Variants in KDM2A observed in about 807,000 individuals in gnomAD.
KDM2A encodes lysine-specific demethylase 2A.
A neutral mutation model predicts 137.3 loss-of-function variants in KDM2A; 3 were observed. The observed-to-expected ratio is 0.02, with a 90% CI of 0.01 to 0.06. The LOEUF (loss-of-function observed/expected upper bound fraction) is 0.06, where lower values mean the gene tolerates loss of function less well. Among genes scored for constraint, KDM2A ranks in the 10% least tolerant of loss-of-function variants. The probability of loss-of-function intolerance (pLI) is 1.00; values close to 1 mark genes in which losing one functional copy is unlikely to be tolerated. For synonymous variants in KDM2A, 512 were observed against 541.5 expected (o/e 0.95, Z 0.76); for missense variants, 738 against 1,510.6 (o/e 0.49, Z 8.48).
chr11:67,193,966 C>G (rs1857419074), intron 5 of KDM2A, among the ~76,000 whole-genome samples: 1 of 152,176 alleles, frequency 6.6e-6, no homozygotes, highest in South Asian at 2.1e-4. Context: ...TCTTGGCCTC[C>G]CAAATTGCTG....
At chr11:67,155,838 A>T (rs1272337095) in intron 2 of KDM2A, among the ~76,000 whole-genome samples, 1 of 142,144 alleles carries the variant, frequency 7.0e-6, no homozygotes, top group Non-Finnish European at 1.5e-5. Flanking sequence ...CTGGTTTGGA[A>T]CTCCCGACCT....
intron 2 of KDM2A, among the ~76,000 whole-genome samples, chr11:67,145,716 A>G (rs1856227771): frequency 6.6e-6 from 1 of 152,020 alleles, no homozygotes; most frequent in African/African-American, 2.4e-5. Context: ...TTACTTGAAA[A>G]TGATACCATA....
intron 2 of KDM2A, among the ~76,000 whole-genome samples, chr11:67,129,292 T>TTAA (rs1170746586): frequency 6.6e-6 from 1 of 152,182 alleles, no homozygotes; most frequent in African/African-American, 2.4e-5. Flanking sequence ...CTAGTTGATT[T>TTAA]TAAAAGTTTA....
chr11:67,232,011 A>G, intron 12 of KDM2A, 51 bp downstream of exon 12: 1 of 1,522,128 alleles, frequency 6.6e-7, no homozygotes, highest in Non-Finnish European at 8.8e-7. Flanking sequence ...TATGGCAGTC[A>G]GCTTCCAGAT....
chr11:67,168,775 C>T (rs1856811065), intron 2 of KDM2A, among the ~76,000 whole-genome samples: 1 of 151,886 alleles, frequency 6.6e-6, no homozygotes, highest in South Asian at 2.1e-4. Context: ...AAAGCAACAG[C>T]GTTTTAAAGT....
intron 2 of KDM2A, among the ~76,000 whole-genome samples, chr11:67,126,272 T>A (rs1347160817): frequency 2.7e-5 from 4 of 147,862 alleles, no homozygotes; most frequent in Non-Finnish European, 4.5e-5. Context: ...ATGGAATAAC[T>A]AGTTTAAAAA....
At chr11:67,195,980 T>C in intron 5 of KDM2A, 2 of 440,424 alleles carry the variant, frequency 4.5e-6, no homozygotes, top group Non-Finnish European at 9.1e-6. Flanking sequence ...CAAGATGTTG[T>C]GATTTCTTCA....
intron 5 of KDM2A, among the ~76,000 whole-genome samples, chr11:67,185,071 G>A (rs1857173789): frequency 1.3e-5 from 2 of 152,150 alleles, no homozygotes; most frequent in Admixed American, 6.6e-5. Context: ...TTAAATAGCT[G>A]TCTTAAAGAT....
At chr11:67,144,935 A>G (rs1393052790) in intron 2 of KDM2A, among the ~76,000 whole-genome samples, 1 of 151,306 alleles carries the variant, frequency 6.6e-6, no homozygotes, top group Non-Finnish European at 1.5e-5. Flanking sequence ...CAGTGGCGCA[A>G]TCTCAGCTAA....
chr11:67,175,951 T>A (rs1325405103), intron 2 of KDM2A, among the ~76,000 whole-genome samples: 1 of 152,160 alleles, frequency 6.6e-6, no homozygotes, highest in East Asian at 1.9e-4. Context: ...CTGGATGATG[T>A]TTTTGGGGAA....
chr11:67,234,185 A>T (rs1396975844), intron 12 of KDM2A, among the ~76,000 whole-genome samples: 2 of 152,236 alleles, frequency 1.3e-5, no homozygotes, highest in Non-Finnish European at 2.9e-5. Context: ...TAGAGCTTGA[A>T]TACCTTGAGA....
At chr11:67,167,555 C>T (rs1164585873) in intron 2 of KDM2A, among the ~76,000 whole-genome samples, 4 of 151,190 alleles carry the variant, frequency 2.6e-5, no homozygotes, top group Admixed American at 2.6e-4. Flanking sequence ...GTATATTCAT[C>T]TTCTCTTGAA....
chr11:67,167,672 C>T (rs1412339788), intron 2 of KDM2A, among the ~76,000 whole-genome samples: 2 of 150,614 alleles, frequency 1.3e-5, no homozygotes, highest in East Asian at 3.9e-4. Flanking sequence ...CTGCTAAATT[C>T]TGTAGACACC....
At chr11:67,216,659 G>T (rs766218453) in intron 8 of KDM2A, among the ~76,000 whole-genome samples, 1 of 152,178 alleles carries the variant, frequency 6.6e-6, no homozygotes, top group African/African-American at 2.4e-5. Context: ...GGTGGCTCAC[G>T]CCTGTAATCC....
At chr11:67,240,959 C>T (rs944118064) in intron 12 of KDM2A, among the ~76,000 whole-genome samples, 1 of 152,232 alleles carries the variant, frequency 6.6e-6, no homozygotes, top group Non-Finnish European at 1.5e-5. Context: ...TCCGCCTACC[C>T]TTCCCTATTC....
chr11:67,128,297 T>C (rs1002284995), intron 2 of KDM2A, among the ~76,000 whole-genome samples: 4 of 152,046 alleles, frequency 2.6e-5, no homozygotes, highest in African/African-American at 9.7e-5. Context: ...GGATTATAAG[T>C]GTGAGCCACT....
rs1413906621 is a variant in KDM2A at position 67,257,868 on chromosome 11, TTTG to T, written c.*2816_*2818del. ...CAGAGAAGGAGGAAGCTAGTTGGAC[TTTG>T]TTTTGTTTTCCAAAAGTTCTCCACT... On this transcript the variant is annotated 3_prime_UTR_variant, in exon 21 of 21. Transcript: ENST00000529006. The T allele has an allele frequency of 2.6e-5, 4 of 152,318 alleles. No homozygotes were observed. In the East Asian group the frequency reaches 7.7e-4, roughly 29 times the overall value. 9.4% of individuals were successfully genotyped at this position (152,318 alleles called of 1,614,324 possible). A position where few individuals can be genotyped will look rare whatever the true frequency, so the allele number is the denominator to read the frequency against.
intron 2 of KDM2A, among the ~76,000 whole-genome samples, chr11:67,174,413 C>CT (rs1290334159): frequency 6.6e-6 from 1 of 152,162 alleles, no homozygotes; most frequent in African/African-American, 2.4e-5. Context: ...TTTTAAATGT[C>CT]TGACATAGAC....
intron 10 of KDM2A, among the ~76,000 whole-genome samples, chr11:67,226,650 A>T (rs1341479525): frequency 1.3e-5 from 2 of 152,128 alleles, no homozygotes; most frequent in Non-Finnish European, 2.9e-5. Flanking sequence ...TGAACCCGGG[A>T]GGTGGAGCTT....
Sources: allele counts gnomAD v4.1 joint callset (sites outside exome capture counted in the v4.1 genomes callset), GRCh38; gene constraint gnomAD v4.1.1; transcripts MANE v1.5; gene names NCBI Gene and HGNC (gene_info 2026-07-23, HGNC 2026-07-21).